The following SNX31 variants were observed in gnomAD, a reference collection of about 807,000 sequenced individuals.
SNX31 encodes sorting nexin 31.
A neutral mutation model predicts 65.4 loss-of-function variants in SNX31; 58 were observed. The ratio of observed to expected loss-of-function variants is 0.89; its 90% CI spans 0.72 to 1.10. The LOEUF (loss-of-function observed/expected upper bound fraction) is 1.10. SNX31 is among the 50% of genes least tolerant of loss of function. The pLI is 0.00. For missense variants in SNX31, 523 were observed against 529.7 expected (o/e 0.99, Z 0.12); for synonymous variants, 181 against 190.1 (o/e 0.95, Z 0.39).
At chr8:100,642,283 A>G (rs1819311801) in intron 2 of SNX31, among the ~76,000 whole-genome samples, 2 of 152,224 alleles carry the variant, frequency 1.3e-5, no homozygotes, top group South Asian at 2.1e-4. Context: ...TTTGCATGCA[A>G]TTATTTCTTG....
chr8:100,630,414 C>A lies in SNX31; in HGVS notation c.257-23G>T. On this transcript the variant is annotated intron_variant, in intron 3 of 13. Coordinates refer to ENST00000311812, the MANE Select transcript of SNX31 (RefSeq NM_152628.4). The surrounding 1 kb of genome is among the most constrained non-coding windows in gnomAD (Gnocchi z 5.3). ...TTACTGAAAAACATGGACGGTGAGC[C>A]AGGTTAGCATGGGCTGGGCTGGGCC... The A allele has an allele frequency of 6.2e-7, 1 of 1,608,876 alleles. No individual in the cohort carries two copies. The highest frequency in any genetic ancestry group is 1.1e-5 in the South Asian group (1 of 89,938).
intron 2 of SNX31, among the ~76,000 whole-genome samples, chr8:100,639,542 T>C (rs552297132): frequency 6.6e-6 from 1 of 152,348 alleles, no homozygotes; most frequent in South Asian, 2.1e-4. Flanking sequence ...AGTTTACACA[T>C]AAGGGGAAGA....
In SNX31 at chr8:100,629,138, T is replaced by A. The variant is rs181326595; in HGVS notation, c.321+1189A>T. Among the ~76,000 whole-genome samples the A allele has an allele frequency of 6.6e-6, 1 of 152,298 alleles. No homozygotes were observed. The highest frequency in any genetic ancestry group is 1.9e-4 in the East Asian group (1 of 5,188). The stretch of plus-strand genomic sequence containing the variant: ...CACATTTTTAAGTGACACATGATTG[T>A]GTGTGTGCATGTATGTGTATATATA... On this transcript the variant is annotated intron_variant, in intron 4 of 13. Transcript: ENST00000311812. This position sits in a 1 kb window ranked among gnomAD's most constrained non-coding sequence, Gnocchi z 5.1.
chr8:100,593,245 T>A (rs1283934962), intron 10 of SNX31, among the ~76,000 whole-genome samples: 1 of 152,122 alleles, frequency 6.6e-6, no homozygotes, highest in Non-Finnish European at 1.5e-5. Context: ...GGTGGGGGAA[T>A]ATACACATAG....
chr8:100,632,639 A>G (rs1232306065), intron 3 of SNX31, among the ~76,000 whole-genome samples: 1 of 152,108 alleles, frequency 6.6e-6, no homozygotes, highest in East Asian at 1.9e-4. Flanking sequence ...ATTTATTTTT[A>G]GATACAGGGT....
rs1481689406 is a variant in SNX31 at position 100,614,377 on chromosome 8, G to A, written c.433-1292C>T. ...ACATGCCAAGGCAGACAGAGGAAAGGCATGGGGGCAAAAGGAGAATGAAGA... is the reference window on the plus strand; with the variant it reads ...ACATGCCAAGGCAGACAGAGGAAAGACATGGGGGCAAAAGGAGAATGAAGA... On this transcript the variant is annotated intron_variant, in intron 5 of 13. Coordinates refer to ENST00000311812, the MANE Select transcript of SNX31 (RefSeq NM_152628.4). This position sits in a 1 kb window ranked among gnomAD's most constrained non-coding sequence, Gnocchi z 5.1. 6.6e-6 allele frequency among the ~76,000 whole-genome samples: 1 copy of A among 152,204 alleles called. No homozygotes were observed. The highest frequency in any genetic ancestry group is 2.4e-5 in the African/African-American group (1 of 41,448).
At chr8:100,603,395 A>G (rs1815827110) in intron 8 of SNX31, among the ~76,000 whole-genome samples, 1 of 151,834 alleles carries the variant, frequency 6.6e-6, no homozygotes, top group Admixed American at 6.6e-5. Flanking sequence ...AGAGATGCAG[A>G]TGTCTTACAG....
chr8:100,659,602 G>A (rs1809743771), intron 1 of SNX31, among the ~76,000 whole-genome samples: 2 of 135,622 alleles, frequency 1.5e-5, no homozygotes, highest in African/African-American at 6.3e-5. Flanking sequence ...ATAGACATCA[G>A]AACTATTTTT....
rs1819781354 is a variant in SNX31, at chr8:100,648,316, T to G, written c.141+958A>C. 7.2e-6 allele frequency among the ~76,000 whole-genome samples: 1 copy of G among 138,966 alleles called. No homozygotes were observed. The highest frequency in any genetic ancestry group is 1.5e-5 in the Non-Finnish European group (1 of 66,350). 91.2% of individuals were successfully genotyped at this position (138,966 alleles called of 152,430 possible). On this transcript the variant is annotated intron_variant, in intron 2 of 13. Transcript: ENST00000311812. This position sits in a 1 kb window ranked among gnomAD's most constrained non-coding sequence, Gnocchi z 4.3. The stretch of plus-strand genomic sequence containing the variant: ...CTCTGGGAAAGTTTTTTCAGTTTTC[T>G]CTACACTTTTTTTTTTTTTTTTTTT...
At position 100,642,553 on chromosome 8, in the gene SNX31, A is replaced by G. The variant is rs565348251; in HGVS notation, c.142-6542T>C. ...TTTTTACAACCTGAGCTGACTTGTC[A>G]AGGAATCTTTCTCCTCCCTTCTCGG... On this transcript the variant is annotated intron_variant, in intron 2 of 13. Coordinates refer to ENST00000311812, the MANE Select transcript of SNX31 (RefSeq NM_152628.4). 2.0e-5 allele frequency among the ~76,000 whole-genome samples: 3 copies of G among 152,346 alleles called. No homozygotes were observed. The East Asian group carries it at 5.8e-4, about 29-fold the overall frequency.
intron 2 of SNX31, among the ~76,000 whole-genome samples, chr8:100,636,557 C>T (rs367754307): frequency 1.3e-5 from 2 of 151,996 alleles, no homozygotes; most frequent in Non-Finnish European, 2.9e-5. Flanking sequence ...TAAAATATCT[C>T]GCTGATAATT....
chr8:100,588,733 G>T lies in SNX31; in HGVS notation c.1092+133C>A. On this transcript the variant is annotated intron_variant, in intron 11 of 13. Transcript: ENST00000311812. This position sits in a 1 kb window ranked among gnomAD's most constrained non-coding sequence, Gnocchi z 4.8. ...ATAAAACAAAATAAAAGGTATTACG[G>T]TCCCGAACGAGAGTGCATAGAACAC... is the stretch of plus-strand genomic sequence containing the variant. 1.9e-6 allele frequency: 1 copy of T among 527,732 alleles called. No homozygotes were observed. Among genetic ancestry groups the T allele is most frequent in the Non-Finnish European group, 3.4e-6 (1 of 295,542 alleles). The allele number at this position is 527,732 out of a possible 1,614,324, so 32.7% of individuals were successfully genotyped here.
intron 10 of SNX31, among the ~76,000 whole-genome samples, chr8:100,590,317 G>A (rs1266197846): frequency 6.6e-6 from 1 of 152,250 alleles, no homozygotes; most frequent in Non-Finnish European, 1.5e-5. Flanking sequence ...TTTCAGCTAG[G>A]TGTGGTAGCT....
chr8:100,621,047 G>A (rs185213962), intron 4 of SNX31, among the ~76,000 whole-genome samples: 71 of 152,370 alleles, frequency 4.7e-4, no homozygotes, highest in African/African-American at 1.7e-3. Context: ...GAGAGGCTGA[G>A]TCAGGAGAAT....
chr8:100,615,538 T>C (rs1586958142), intron 5 of SNX31, among the ~76,000 whole-genome samples: 1 of 152,338 alleles, frequency 6.6e-6, no homozygotes, highest in East Asian at 1.9e-4. Flanking sequence ...TTCTGAGAAA[T>C]GCATCGTTAG....
At chr8:100,591,475 T>C (rs2507783) in intron 10 of SNX31, among the ~76,000 whole-genome samples, 73,016 of 132,084 alleles carry the variant, frequency 0.55, 22,824 homozygotes, top group African/African-American at 0.89. Flanking sequence ...GGCAACAGAG[T>C]GAGACTCCGT....
chr8:100,605,590 T>A (rs1231348189), intron 8 of SNX31, among the ~76,000 whole-genome samples: 1 of 152,162 alleles, frequency 6.6e-6, no homozygotes, highest in Non-Finnish European at 1.5e-5. Flanking sequence ...CAGGGAGATG[T>A]CGTGGTTCAG....
At chr8:100,653,836 C>T (rs1044334602), upstream of SNX31, among the ~76,000 whole-genome samples, 1 of 152,198 alleles carries the variant, frequency 6.6e-6, no homozygotes, top group Non-Finnish European at 1.5e-5. Flanking sequence ...AGAGGAAGAG[C>T]AGCTCAGAGG....
At position 100,613,621 on chromosome 8, in the gene SNX31, T is replaced by C. The variant is rs369487020; in HGVS notation, c.433-536A>G. On this transcript the variant is annotated intron_variant, in intron 5 of 13. Coordinates refer to ENST00000311812, the MANE Select transcript of SNX31 (RefSeq NM_152628.4). This position sits in a 1 kb window ranked among gnomAD's most constrained non-coding sequence, Gnocchi z 5.2. ...TGTTTCCTGCGATGGTCAACTGTAA[T>C]TTACTAGGATGTTTGCAAAATGAAA... 3.3e-5 allele frequency among the ~76,000 whole-genome samples: 5 copies of C among 152,226 alleles called. No individual in the cohort carries two copies. Among genetic ancestry groups the C allele is most frequent in the Non-Finnish European group, 1.5e-5 (1 of 68,032 alleles).
Sources: allele counts gnomAD v4.1 joint callset (sites outside exome capture counted in the v4.1 genomes callset), GRCh38; gene constraint gnomAD v4.1.1; non-coding constraint Gnocchi (gnomAD v3.1); transcripts MANE v1.5; gene names NCBI Gene and HGNC (gene_info 2026-07-23, HGNC 2026-07-21).